The following ARHGAP28 variants were observed in gnomAD, a reference collection of about 807,000 sequenced individuals.
The protein encoded by ARHGAP28 is Rho GTPase activating protein 28.
Under a neutral mutation model 90.7 loss-of-function variants are expected in ARHGAP28, and 56 were observed. The observed-to-expected ratio is 0.62, with a 90% CI of 0.50 to 0.77. The LOEUF is 0.77. Among genes scored for constraint, ARHGAP28 ranks in the 30% least tolerant of loss-of-function variants. The pLI, the probability that ARHGAP28 is intolerant of heterozygous loss-of-function variation, is 0.00. For missense variants in ARHGAP28, 869 were observed against 900.9 expected (o/e 0.96, Z 0.45); for synonymous variants, 308 against 323.3 (o/e 0.95, Z 0.51).
At chr18:6,811,914 A>G (rs2056559890) in intron 1 of ARHGAP28, among the ~76,000 whole-genome samples, 1 of 152,168 alleles carries the variant, frequency 6.6e-6, no homozygotes, top group Admixed American at 6.5e-5. Context: ...TCTCAACTAT[A>G]TGATTCCAAA....
At chr18:6,793,632 C>G (rs188591831) in intron 1 of ARHGAP28, among the ~76,000 whole-genome samples, 1 of 152,018 alleles carries the variant, frequency 6.6e-6, no homozygotes, top group African/African-American at 2.4e-5. Context: ...AGTCATAATG[C>G]GAATTATAAA....
chr18:6,868,154 T>C lies in ARHGAP28; in HGVS notation c.731T>C (p.Ile244Thr). The C allele has an allele frequency of 6.2e-7, 1 of 1,613,858 alleles. No individual in the cohort carries two copies. Residue 244 changes from isoleucine to threonine, a missense_variant, in exon 6 of 18, where the codon ATA (isoleucine) becomes ACA (threonine). Ile to Thr is a moderately conservative substitution (Grantham distance 89). Transcript: ENST00000383472. The stretch of plus-strand genomic sequence containing the variant: ...TCATCTTCCTTTGCTTGGCAGGCTA[T>C]ACTTGAGACCATTCCAGTTCTACCA... ...FAVPRSDSVA[I>T]LETIPVLPVH... is the part of the protein sequence containing the mutation.
At chr18:6,733,997 C>G (rs2055905301) in intron 1 of ARHGAP28, among the ~76,000 whole-genome samples, 1 of 152,172 alleles carries the variant, frequency 6.6e-6, no homozygotes, top group Non-Finnish European at 1.5e-5. Flanking sequence ...ATTCCAACCA[C>G]TGCGAAATTT....
chr18:6,876,897 C>G (rs934037999), intron 10 of ARHGAP28, among the ~76,000 whole-genome samples: 1 of 152,130 alleles, frequency 6.6e-6, no homozygotes. Flanking sequence ...AAAAGAAAAG[C>G]TTTTCTCATA....
chr18:6,915,497 C>G lies in ARHGAP28; in HGVS notation c.*3343C>G, dbSNP rs953077427. Reference sequence around the variant, plus strand: ...CAAGCATTTTTAACAGTTTTACACACTTACATACACCTTAATTAAAAATTT... The same window carrying G: ...CAAGCATTTTTAACAGTTTTACACAGTTACATACACCTTAATTAAAAATTT... On this transcript the variant is annotated 3_prime_UTR_variant, in exon 18 of 18. Transcript: ENST00000383472. The G allele has an allele frequency of 2.0e-5, 3 of 148,010 alleles. No individual in the cohort carries two copies. Among genetic ancestry groups the G allele is most frequent in the Non-Finnish European group, 3.0e-5 (2 of 67,214 alleles). The allele number at this position is 148,010 out of a possible 1,614,324, so 9.2% of individuals were successfully genotyped here.
At position 6,729,911 on chromosome 18, in the gene ARHGAP28, G is replaced by A; in HGVS notation, c.90G>A (p.Ala30=). Residue 30 remains alanine (A), a synonymous_variant, in exon 1 of 18, where the codon GCG becomes GCA. Coordinates refer to ENST00000383472, the MANE Select transcript of ARHGAP28 (RefSeq NM_001366230.1). The part of the protein sequence containing the change: ...AQPPNAESRC[A]PRAAASHPLS... Reference sequence around the variant, plus strand: ...CCCCCAACGCCGAGTCGCGCTGCGCGCCCCGCGCCGCAGCCAGCCACCCGC... The same window carrying A: ...CCCCCAACGCCGAGTCGCGCTGCGCACCCCGCGCCGCAGCCAGCCACCCGC... The A allele has an allele frequency of 2.1e-6, 3 of 1,409,494 alleles. No individual in the cohort carries two copies. The highest frequency in any genetic ancestry group is 2.8e-5 in the Admixed American group (1 of 35,438). 87.3% of individuals were successfully genotyped at this position (1,409,494 alleles called of 1,614,324 possible). A position where few individuals can be genotyped will look rare whatever the true frequency, so the allele number is the denominator to read the frequency against.
intron 1 of ARHGAP28, among the ~76,000 whole-genome samples, chr18:6,795,969 A>G (rs926284417): frequency 1.3e-5 from 2 of 152,260 alleles, no homozygotes; most frequent in African/African-American, 4.8e-5. Context: ...ACTACAGCAT[A>G]TGACAAAAGC....
At position 6,802,406 on chromosome 18, in the gene ARHGAP28, C is replaced by T. The variant is rs764655588; in HGVS notation, c.123-22356C>T. The stretch of plus-strand genomic sequence containing the variant: ...TGTTGCCCAGGCTGGAGTGCAGTGG[C>T]GAAATCTCAGCTCACTGCAACCTCT... On this transcript the variant is annotated intron_variant, in intron 1 of 17. Coordinates refer to ENST00000383472, the MANE Select transcript of ARHGAP28 (RefSeq NM_001366230.1). Among the ~76,000 whole-genome samples the T allele has an allele frequency of 3.8e-4, 46 of 122,176 alleles. 2 individuals are homozygous for T. The South Asian group carries it at 7.4e-3, about 20-fold the overall frequency. The allele number at this position is 122,176 out of a possible 152,430, so 80.2% of individuals were successfully genotyped here.
At chr18:6,798,304 C>T (rs972120692) in intron 1 of ARHGAP28, among the ~76,000 whole-genome samples, 1 of 152,252 alleles carries the variant, frequency 6.6e-6, no homozygotes, top group Admixed American at 6.5e-5. Flanking sequence ...AGCAATTCTC[C>T]TGCCTCAGCC....
intron 1 of ARHGAP28, among the ~76,000 whole-genome samples, chr18:6,732,161 A>AT (rs796703521): frequency 1.3e-5 from 2 of 150,642 alleles, no homozygotes; most frequent in Non-Finnish European, 3.0e-5. Flanking sequence ...CTATTTGGTC[A>AT]TTTTTTCCAC....
chr18:6,761,159 G>A (rs2056156483), intron 1 of ARHGAP28, among the ~76,000 whole-genome samples: 1 of 151,990 alleles, frequency 6.6e-6, no homozygotes. Context: ...TTAGAGATGG[G>A]GGTGGGGGTG....
intron 1 of ARHGAP28, among the ~76,000 whole-genome samples, chr18:6,742,004 G>C (rs2143185665): frequency 6.6e-6 from 1 of 152,298 alleles, no homozygotes; most frequent in East Asian, 1.9e-4. Context: ...AGTAGCTTAA[G>C]TAAAGCTGAT....
rs965966907 is a variant in ARHGAP28, at chr18:6,762,205, G to A, written c.122+32262G>A. Among the ~76,000 whole-genome samples, 5 of 152,090 alleles carry A rather than the reference G, an allele frequency of 3.3e-5. No homozygotes were observed. The South Asian group carries it at 6.2e-4, about 19-fold the overall frequency. On this transcript the variant is annotated intron_variant, in intron 1 of 17. Transcript: ENST00000383472. The stretch of plus-strand genomic sequence containing the variant: ...CAGATGCCTCCCAGGTGCACCTCCT[G>A]CTCCAAAGGTTTCTTATAATGCAGA...
At chr18:6,838,058 T>C (rs1258925659) in intron 3 of ARHGAP28, among the ~76,000 whole-genome samples, 1 of 152,214 alleles carries the variant, frequency 6.6e-6, no homozygotes, top group Non-Finnish European at 1.5e-5. Flanking sequence ...GCTAGCTCTG[T>C]CTTATAGCTT....
intron 1 of ARHGAP28, among the ~76,000 whole-genome samples, chr18:6,732,827 G>T (rs1301455445): frequency 1.3e-5 from 2 of 152,184 alleles, no homozygotes; most frequent in East Asian, 3.8e-4. Flanking sequence ...ATTGACTAAC[G>T]CAGAGGAAGC....
At chr18:6,877,952 C>CTGTGTGTGTGTGTGTGTATGTGCA (rs1369392831) in intron 10 of ARHGAP28, among the ~76,000 whole-genome samples, 1 of 150,044 alleles carries the variant, frequency 6.7e-6, no homozygotes, top group Non-Finnish European at 1.5e-5. Flanking sequence ...ACTGGTTCCT[C>CTGTGTGTGTGTGTGTGTATGTGCA]TGTGTGTGTG....
At chr18:6,868,370 T>C (rs2057054948) in intron 6 of ARHGAP28, 136 bp downstream of exon 6, 3 of 713,476 alleles carry the variant, frequency 4.2e-6, no homozygotes, top group Non-Finnish European at 7.0e-6. Flanking sequence ...GTCACTTCCA[T>C]CGCTCACTCC....
intron 1 of ARHGAP28, among the ~76,000 whole-genome samples, chr18:6,772,618 T>C (rs1567942318): frequency 6.6e-6 from 1 of 152,248 alleles, no homozygotes; most frequent in Non-Finnish European, 1.5e-5. Context: ...TGTAAGATAA[T>C]GAGCACGTTT....
intron 1 of ARHGAP28, among the ~76,000 whole-genome samples, chr18:6,766,548 A>T (rs2056201335): frequency 6.6e-6 from 1 of 152,058 alleles, no homozygotes; most frequent in Admixed American, 6.5e-5. Context: ...GCGTGGTACT[A>T]AACGGGGCTG....
Sources: allele counts gnomAD v4.1 joint callset (sites outside exome capture counted in the v4.1 genomes callset), GRCh38; gene constraint gnomAD v4.1.1; transcripts MANE v1.5; gene names NCBI Gene and HGNC (gene_info 2026-07-23, HGNC 2026-07-21).